The following PTPRN2 variants were observed in gnomAD, a reference collection of about 807,000 sequenced individuals.
PTPRN2 encodes receptor-type tyrosine-protein phosphatase N2.
In PTPRN2, 74 loss-of-function variants were observed where a neutral mutation model predicts 118.8. That is an observed-to-expected ratio of 0.62 (90% confidence interval 0.52 to 0.76). PTPRN2 has a LOEUF of 0.76. PTPRN2 is among the 30% of genes least tolerant of loss of function. The pLI, the probability that PTPRN2 is intolerant of heterozygous loss-of-function variation, is 0.00. For synonymous variants in PTPRN2, 641 were observed against 608.0 expected, an observed-to-expected ratio of 1.05 and a Z score of -0.80; for missense variants, 1,481 against 1,394.4, an observed-to-expected ratio of 1.06 and a Z score of -0.99.
chr7:158,537,647 A>G lies in PTPRN2; in HGVS notation c.113-47862T>C, dbSNP rs892944682. The G allele has an allele frequency of 4.6e-5, 7 of 152,486 alleles. No homozygotes were observed. The East Asian group carries it at 1.4e-3, about 30-fold the overall frequency. The allele number at this position is 152,486 out of a possible 1,614,324, so 9.4% of individuals were successfully genotyped here. ...AGGACAGAGGTCAAAGGACCCACAGACCTGTGGGACACAGAGCAGGACGTG... is the reference window on the plus strand; with the variant it reads ...AGGACAGAGGTCAAAGGACCCACAGGCCTGTGGGACACAGAGCAGGACGTG... On this transcript the variant is annotated intron_variant, in intron 1 of 22. Coordinates refer to ENST00000389418, the MANE Select transcript of PTPRN2 (RefSeq NM_002847.5).
chr7:157,616,636 T>C (rs760711502), intron 15 of PTPRN2: 2 of 152,108 alleles, frequency 1.3e-5, no homozygotes, highest in African/African-American at 2.4e-5. Context: ...GCAGCCAGGC[T>C]GGGAGTCTCT....
chr7:157,856,403 A>T (rs2151218083), intron 12 of PTPRN2, among the ~76,000 whole-genome samples: 1 of 152,308 alleles, frequency 6.6e-6, no homozygotes, highest in East Asian at 1.9e-4. Flanking sequence ...CACAGCTCAG[A>T]TGTCTATTTT....
intron 5 of PTPRN2, among the ~76,000 whole-genome samples, chr7:158,183,557 G>A (rs1181037078): frequency 6.6e-6 from 1 of 152,226 alleles, no homozygotes; most frequent in African/African-American, 2.4e-5. Context: ...TCCCCTGTGA[G>A]GCAGAATGGC....
In PTPRN2 at chr7:157,625,853, T is replaced by C. The variant is rs181989089; in HGVS notation, c.2197-4344A>G. ...TAGTTTCTTAAGGCACTGCAACTTTTGTTACATAAATAGCATATGTAGAAA... is the reference window on the plus strand; with the variant it reads ...TAGTTTCTTAAGGCACTGCAACTTTCGTTACATAAATAGCATATGTAGAAA... On this transcript the variant is annotated intron_variant, in intron 14 of 22. Coordinates refer to ENST00000389418, the MANE Select transcript of PTPRN2 (RefSeq NM_002847.5). 3.3e-5 allele frequency among the ~76,000 whole-genome samples: 5 copies of C among 152,258 alleles called. No individual in the cohort carries two copies. The East Asian group carries it at 9.6e-4, about 29-fold the overall frequency.
chr7:158,292,717 G>A (rs543390363), intron 3 of PTPRN2, among the ~76,000 whole-genome samples: 84 of 152,306 alleles, frequency 5.5e-4, no homozygotes, highest in African/African-American at 1.9e-3. Flanking sequence ...TGTAACACAA[G>A]GTTAAGTATC....
intron 12 of PTPRN2, among the ~76,000 whole-genome samples, chr7:157,687,453 G>A (rs543595577): frequency 1.3e-5 from 2 of 152,298 alleles, no homozygotes; most frequent in African/African-American, 4.8e-5. Flanking sequence ...TCATAAAGAC[G>A]TAGGGATACA....
At chr7:157,661,427 C>T (rs1795882376) in intron 13 of PTPRN2, among the ~76,000 whole-genome samples, 1 of 152,264 alleles carries the variant, frequency 6.6e-6, no homozygotes, top group African/African-American at 2.4e-5. Context: ...GGGGACGCTG[C>T]TCTTGCCCGA....
chr7:158,452,126 C>T (rs965581629), intron 2 of PTPRN2, among the ~76,000 whole-genome samples: 6 of 152,140 alleles, frequency 3.9e-5, no homozygotes, highest in African/African-American at 9.7e-5. Flanking sequence ...TCAATCTGCC[C>T]GTCTGTTCCC....
intron 12 of PTPRN2, among the ~76,000 whole-genome samples, chr7:157,733,239 CTT>C (rs1289385478): frequency 3.8e-5 from 1 of 25,990 alleles, no homozygotes; most frequent in African/African-American, 2.1e-4. Flanking sequence ...CACAGTTACT[CTT>C]TTCCGTCCCA....
intron 1 of PTPRN2, among the ~76,000 whole-genome samples, chr7:158,499,807 G>A (rs28449867): frequency 0.42 from 63,134 of 148,736 alleles, 13,974 homozygotes; most frequent in East Asian, 0.63. Flanking sequence ...GTGTGTGTGT[G>A]TATATATATA....
chr7:158,282,956 C>T (rs888338977), intron 3 of PTPRN2, among the ~76,000 whole-genome samples: 3 of 151,322 alleles, frequency 2.0e-5, no homozygotes, highest in East Asian at 2.0e-4. Context: ...CGTGCTCCCA[C>T]GCAGCAGCAG....
intron 12 of PTPRN2, among the ~76,000 whole-genome samples, chr7:157,848,843 C>T (rs1024759038): frequency 4.7e-4 from 71 of 152,370 alleles, no homozygotes; most frequent in African/African-American, 1.4e-3. Context: ...GCAGCCCCGA[C>T]GCCTCTGCAG....
chr7:157,946,389 T>G (rs1800489806), intron 11 of PTPRN2, among the ~76,000 whole-genome samples: 1 of 152,252 alleles, frequency 6.6e-6, no homozygotes, highest in Admixed American at 6.5e-5. Flanking sequence ...ATGAAATCAC[T>G]GAGGCCAAGA....
At position 157,568,974 on chromosome 7, in the gene PTPRN2, CAGA is replaced by C. The variant is rs1176330245; in HGVS notation, c.2838-11_2838-9del. Reference sequence around the variant, plus strand: ...CTCCGGCCTGCACCGTCACTGCCAACAGAAGGAGAGAAATGAAAGTGCTGCCGT... The same window carrying C: ...CTCCGGCCTGCACCGTCACTGCCAACAGGAGAGAAATGAAAGTGCTGCCGT... On this transcript the variant is annotated splice_polypyrimidine_tract_variant and intron_variant, in intron 20 of 22. Transcript: ENST00000389418. 4.5e-6 allele frequency: 7 copies of C among 1,556,530 alleles called. No homozygotes were observed. Among genetic ancestry groups the C allele is most frequent in the East Asian group, 2.2e-5 (1 of 44,610 alleles).
At chr7:158,462,456 G>T (rs1263815666) in intron 2 of PTPRN2, among the ~76,000 whole-genome samples, 4 of 152,174 alleles carry the variant, frequency 2.6e-5, no homozygotes, top group Admixed American at 2.6e-4. Flanking sequence ...ACTTGCATTT[G>T]ACAGAAAACA....
chr7:158,465,047 C>T (rs1479964812), intron 2 of PTPRN2, among the ~76,000 whole-genome samples: 1 of 152,240 alleles, frequency 6.6e-6, no homozygotes, highest in Non-Finnish European at 1.5e-5. Context: ...GTTCTTATCG[C>T]AGACTGGAGC....
At chr7:158,262,615 A>T (rs1299948517) in intron 3 of PTPRN2, among the ~76,000 whole-genome samples, 1 of 147,994 alleles carries the variant, frequency 6.8e-6, no homozygotes, top group African/African-American at 2.6e-5. Context: ...CACACTGCAC[A>T]CACACATACA....
chr7:158,034,509 T>A (rs1428144465), intron 11 of PTPRN2, among the ~76,000 whole-genome samples: 1 of 152,128 alleles, frequency 6.6e-6, no homozygotes, highest in Non-Finnish European at 1.5e-5. Context: ...CTGCCATCCA[T>A]GTAAGACGGG....
chr7:157,543,467 G>A (rs1170336808), intron 22 of PTPRN2, among the ~76,000 whole-genome samples: 1 of 152,198 alleles, frequency 6.6e-6, no homozygotes, highest in African/African-American at 2.4e-5. Context: ...CCCTTCTCAG[G>A]CTGTCCTGGG....
Sources: allele counts gnomAD v4.1 joint callset (sites outside exome capture counted in the v4.1 genomes callset), GRCh38; gene constraint gnomAD v4.1.1; transcripts MANE v1.5; gene names NCBI Gene and HGNC (gene_info 2026-07-23, HGNC 2026-07-21).